FBXO38: variants seen among roughly 807,000 people sequenced by gnomAD.
FBXO38 encodes the protein F-box only protein 38.
A neutral mutation model predicts 131.9 loss-of-function variants in FBXO38; 53 were observed. The ratio of observed to expected loss-of-function variants is 0.40; its 90% CI spans 0.32 to 0.51. The LOEUF (loss-of-function observed/expected upper bound fraction) is 0.51, where lower values mean the gene tolerates loss of function less well. Ranked by LOEUF, FBXO38 falls within the 20% of genes least tolerant of loss-of-function variation. The pLI is 0.53. For missense variants in FBXO38, 1,076 were observed against 1,475.6 expected, an observed-to-expected ratio of 0.73 and a Z score of 4.44; for synonymous variants, 452 against 505.6, an observed-to-expected ratio of 0.89 and a Z score of 1.42.
chr5:148,398,209 T>A (rs932057638), intron 2 of FBXO38, among the ~76,000 whole-genome samples: 1 of 152,088 alleles, frequency 6.6e-6, no homozygotes. Flanking sequence ...ACAGGTTCAG[T>A]AGGTAAAGGT....
At chr5:148,416,607 C>A (rs1160035710) in intron 11 of FBXO38, 1 of 190,074 alleles carries the variant, frequency 5.3e-6, no homozygotes, top group Non-Finnish European at 1.1e-5. Flanking sequence ...AAAACTTAAT[C>A]CTTCAACCAT....
At chr5:148,395,324 A>G (rs979792330) in intron 2 of FBXO38, among the ~76,000 whole-genome samples, 8 of 152,242 alleles carry the variant, frequency 5.3e-5, no homozygotes, top group African/African-American at 1.4e-4. Flanking sequence ...TGAGAAACAT[A>G]ACATGTAAGT....
chr5:148,392,812 G>A (rs1351069688), intron 1 of FBXO38, among the ~76,000 whole-genome samples: 2 of 152,086 alleles, frequency 1.3e-5, no homozygotes, highest in African/African-American at 2.4e-5. Flanking sequence ...AAATGGGTCA[G>A]ATGGGGAAGC....
intron 5 of FBXO38, among the ~76,000 whole-genome samples, chr5:148,402,790 C>T (rs1752229974): frequency 6.6e-6 from 1 of 152,098 alleles, no homozygotes; most frequent in Admixed American, 6.6e-5. Flanking sequence ...AATATTTTCT[C>T]AAATTTGTCA....
At chr5:148,389,045 G>T (rs1031092733) in intron 1 of FBXO38, among the ~76,000 whole-genome samples, 1 of 152,096 alleles carries the variant, frequency 6.6e-6, no homozygotes. Flanking sequence ...AAATATCATT[G>T]TGTCTCAGGA....
intron 9 of FBXO38, among the ~76,000 whole-genome samples, chr5:148,411,593 A>G (rs1257388471): frequency 6.6e-6 from 1 of 152,122 alleles, no homozygotes; most frequent in Admixed American, 6.6e-5. Context: ...ACTGTTTTTC[A>G]TTTCTAATAT....
rs1752348111 is a variant in FBXO38 at position 148,404,818 on chromosome 5, T to C, written c.726T>C (p.Cys242=). The C allele has an allele frequency of 2.5e-6, 4 of 1,600,782 alleles. No individual in the cohort carries two copies. The highest frequency in any genetic ancestry group is 3.4e-6 in the Non-Finnish European group (4 of 1,176,274). Residue 242 remains cysteine, a synonymous_variant, in exon 6 of 22, where the codon TGT becomes TGC. Coordinates refer to ENST00000340253, the MANE Select transcript of FBXO38 (RefSeq NM_205836.3). ...ISLRTFVMRN[C]AGPTNSLKYV... ...TAAGAACTTTCGTCATGAGGAACTG[T>C]GCAGGTAATGGTACACAATTATGGT...
Position 148,424,081 on chromosome 5 carries a change from G to A in FBXO38, c.1702G>A (p.Ala568Thr). The A allele has an allele frequency of 6.2e-7, 1 of 1,613,626 alleles. No individual in the cohort carries two copies. Among genetic ancestry groups the A allele is most frequent in the Non-Finnish European group, 8.5e-7 (1 of 1,179,696 alleles). ...AAATAATACTCCAGCTCACAGCCAGGCAATTATTCCTGTGGATGTTGATGA... is the reference window on the plus strand; with the variant it reads ...AAATAATACTCCAGCTCACAGCCAGACAATTATTCCTGTGGATGTTGATGA... ...SGNNTPAHSQAIIPVDVDEEQ... is the reference protein window; with the variant it reads ...SGNNTPAHSQTIIPVDVDEEQ... The change falls in exon 13 of 22, where the codon GCA becomes ACA. Residue 568 changes from alanine (A) to threonine (T), a missense_variant. This residue lies in a region of FBXO38 where 212 missense variants were observed against 221.2 expected (regional missense o/e 0.96). Coordinates refer to ENST00000340253, the MANE Select transcript of FBXO38 (RefSeq NM_205836.3).
intron 1 of FBXO38, among the ~76,000 whole-genome samples, chr5:148,386,239 G>A (rs1757908027): frequency 1.3e-5 from 2 of 152,174 alleles, no homozygotes; most frequent in Non-Finnish European, 2.9e-5. Context: ...GCTCTGGAAT[G>A]CAGGAAGACA....
At chr5:148,413,862 A>T (rs1752907214) in intron 9 of FBXO38, 1 of 288,592 alleles carries the variant, frequency 3.5e-6, no homozygotes, top group African/African-American at 2.2e-5. Flanking sequence ...TTATGCTTTA[A>T]GAATTTTTGC....
At chr5:148,385,027 C>T (rs977899414) in intron 1 of FBXO38, 4 of 152,142 alleles carry the variant, frequency 2.6e-5, no homozygotes, top group Admixed American at 1.3e-4. Flanking sequence ...TTTCCCATTC[C>T]CCCAGCACAA....
intron 3 of FBXO38, among the ~76,000 whole-genome samples, chr5:148,399,764 A>G (rs908764169): frequency 6.6e-6 from 1 of 152,152 alleles, no homozygotes; most frequent in African/African-American, 2.4e-5. Context: ...ATAAAAGGCA[A>G]TTAAGGCTTC....
At chr5:148,437,007 T>C (rs1754381303) in intron 17 of FBXO38, among the ~76,000 whole-genome samples, 1 of 152,256 alleles carries the variant, frequency 6.6e-6, no homozygotes, top group Non-Finnish European at 1.5e-5. Context: ...TCTGAGAATG[T>C]AAAACTCAAT....
intron 14 of FBXO38, among the ~76,000 whole-genome samples, chr5:148,426,374 G>C (rs930873269): frequency 1.3e-5 from 2 of 152,162 alleles, no homozygotes; most frequent in African/African-American, 4.8e-5. Context: ...ATTTAACACT[G>C]ACCCTGGAAC....
In FBXO38 at chr5:148,416,912, A is replaced by T. The variant is rs993989843; in HGVS notation, c.1408-82A>T. On this transcript the variant is annotated intron_variant, in intron 11 of 21. Coordinates refer to ENST00000340253, the MANE Select transcript of FBXO38 (RefSeq NM_205836.3). ...TATATAAATATTAGTTATAATGTAA[A>T]GGTGAAATGAAGGGATATTAAAAAT... The T allele has an allele frequency of 1.6e-5, 12 of 770,370 alleles. No homozygotes were observed. In the African/African-American group the frequency reaches 1.6e-4, roughly 10 times the overall value. 47.7% of individuals were successfully genotyped at this position (770,370 alleles called of 1,614,324 possible). A position where few individuals can be genotyped will look rare whatever the true frequency, so the allele number is the denominator to read the frequency against.
At position 148,410,616 on chromosome 5, in the gene FBXO38, T is replaced by C. The variant is rs1752696294; in HGVS notation, c.963-19T>C. ...TGGTTTTTGTTTTACTCTGATATGT[T>C]CTCTGTCTTTATTCACAGGTTACAT... On this transcript the variant is annotated intron_variant, in intron 8 of 21. Coordinates refer to ENST00000340253, the MANE Select transcript of FBXO38 (RefSeq NM_205836.3). 4.3e-6 allele frequency: 7 copies of C among 1,613,608 alleles called. No homozygotes were observed. The highest frequency in any genetic ancestry group is 5.1e-6 in the Non-Finnish European group (6 of 1,179,864).
chr5:148,414,308 T>A lies in FBXO38; in HGVS notation c.1264+2T>A. On this transcript the variant is annotated splice_donor_variant, in intron 10 of 21. Transcript: ENST00000340253. LOFTEE classifies it high-confidence loss of function. ...ACAACCCATACAATTGGATCTCAGG[T>A]ATTACAGACTTAAAAATACAGCTAT... is the stretch of plus-strand genomic sequence containing the variant. 1.9e-6 allele frequency: 3 copies of A among 1,584,234 alleles called. No homozygotes were observed. Among genetic ancestry groups the A allele is most frequent in the Non-Finnish European group, 2.6e-6 (3 of 1,168,092 alleles).
intron 8 of FBXO38, among the ~76,000 whole-genome samples, chr5:148,409,672 T>C (rs1261893619): frequency 6.6e-6 from 1 of 152,252 alleles, no homozygotes. Context: ...CTCTATATTT[T>C]TTAACCAAGT....
chr5:148,405,841 A>C (rs1271857499), intron 6 of FBXO38, among the ~76,000 whole-genome samples: 1 of 152,106 alleles, frequency 6.6e-6, no homozygotes, highest in African/African-American at 2.4e-5. Flanking sequence ...TTCTAGCTCC[A>C]TGTCAACTGC....
Sources: allele counts gnomAD v4.1 joint callset (sites outside exome capture counted in the v4.1 genomes callset), GRCh38; gene constraint gnomAD v4.1.1; regional missense constraint gnomAD v4.1.1; transcripts MANE v1.5; gene names NCBI Gene and HGNC (gene_info 2026-07-23, HGNC 2026-07-21).